The following EXOC3 variants were observed in gnomAD, a reference collection of about 807,000 sequenced individuals.
EXOC3 encodes SEC6-like 1.
EXOC3 carries 21 observed loss-of-function variants against 73.7 expected under a neutral mutation model. The observed-to-expected ratio is 0.29, with a 90% CI of 0.20 to 0.41. EXOC3 has a LOEUF of 0.41. Ranked by LOEUF, EXOC3 falls within the 10% of genes least tolerant of loss-of-function variation. The pLI is 1.00. For missense variants in EXOC3, 842 were observed against 985.1 expected (o/e 0.85, Z 1.95); for synonymous variants, 410 against 389.1 (o/e 1.05, Z -0.63).
intron 1 of EXOC3, among the ~76,000 whole-genome samples, chr5:444,025 C>T (rs906785109): frequency 2.0e-5 from 3 of 152,078 alleles, no homozygotes; most frequent in Admixed American, 6.5e-5. Flanking sequence ...GCAGGCGTCC[C>T]CCCGGTAAAG....
intron 7 of EXOC3, chr5:461,667 G>T: frequency 2.5e-6 from 1 of 393,784 alleles, no homozygotes. Context: ...GTAGCTCACT[G>T]CAGCGCAGCC....
chr5:448,655 C>T (rs900864385), intron 3 of EXOC3, among the ~76,000 whole-genome samples: 13 of 152,192 alleles, frequency 8.5e-5, no homozygotes, highest in Admixed American at 7.9e-4. Context: ...ATCTGTGACG[C>T]TGCTCGGCTC....
At chr5:464,078 C>G (rs571805919) in intron 9 of EXOC3, among the ~76,000 whole-genome samples, 8 of 152,164 alleles carry the variant, frequency 5.3e-5, no homozygotes, top group Non-Finnish European at 2.9e-5. Flanking sequence ...CCCACACGCA[C>G]TCAGTGCTCG....
At chr5:443,953 G>C (rs576872996) in intron 1 of EXOC3, among the ~76,000 whole-genome samples, 1 of 151,490 alleles carries the variant, frequency 6.6e-6, no homozygotes, top group Admixed American at 6.6e-5. Flanking sequence ...CCAAGGTGCA[G>C]GTGTCCTCCA....
chr5:462,622 A>C, intron 9 of EXOC3: 2 of 342,486 alleles, frequency 5.8e-6, no homozygotes, highest in South Asian at 9.5e-5. Flanking sequence ...GAGTGCACAC[A>C]CACACACATC....
chr5:467,007 G>A lies in EXOC3; in HGVS notation c.*109G>A, dbSNP rs970850922. 8.5e-6 allele frequency: 10 copies of A among 1,176,832 alleles called. 1 individual carries two copies. Among genetic ancestry groups the A allele is most frequent in the South Asian group, 4.5e-5 (3 of 66,758 alleles). 72.9% of individuals were successfully genotyped at this position (1,176,832 alleles called of 1,614,324 possible). ...CCACACGTGCTCCTTTTAGCTGCAC[G>A]GCCTGTCTTTAGGTGCCAGTGTGAT... On this transcript the variant is annotated 3_prime_UTR_variant, in exon 13 of 13. Transcript: ENST00000512944.
chr5:464,692 C>T (rs1738085548), intron 10 of EXOC3: 1 of 431,516 alleles, frequency 2.3e-6, no homozygotes, highest in Non-Finnish European at 4.3e-6. Context: ...CCACTCACTC[C>T]CTGAGGCCCC....
At chr5:458,157 G>C (rs1022077857) in intron 6 of EXOC3, 132 bp downstream of exon 6, 10 of 921,182 alleles carry the variant, frequency 1.1e-5, no homozygotes, top group African/African-American at 1.0e-4. Flanking sequence ...AGCCCTGCCT[G>C]GTGCATCTAA....
In EXOC3 at chr5:446,279, A is replaced by G; in HGVS notation, c.74A>G (p.Gln25Arg). ...RVAGMLQRPD[Q>R]LDKVEQYRRR... ...GCTGGGATGCTCCAGCGCCCGGACC[A>G]GCTGGACAAGGTGGAGCAGTATCGC... Residue 25 changes from glutamine (Q) to arginine (R), a missense_variant, in exon 2 of 13, where the codon CAG (glutamine) becomes CGG (arginine). Gln to Arg is a conservative substitution (Grantham distance 43). Coordinates refer to ENST00000512944, the MANE Select transcript of EXOC3 (RefSeq NM_007277.5). 6.2e-7 allele frequency: 1 copy of G among 1,613,990 alleles called. No homozygotes were observed. The highest frequency in any genetic ancestry group is 8.5e-7 in the Non-Finnish European group (1 of 1,179,864).
rs201641753 is a variant in EXOC3 at position 457,980 on chromosome 5, C to A, written c.1245C>A (p.Asp415Glu). The change falls in exon 6 of 13, where the codon GAC becomes GAA. Residue 415 changes from aspartate (D) to glutamate (E), a missense_variant. Coordinates refer to ENST00000512944, the MANE Select transcript of EXOC3 (RefSeq NM_007277.5). ...TCAAAGAGACAGAGCCAGAAGCCGACCAGGACGGGTACTACCAGACCACAC... is the reference window on the plus strand; with the variant it reads ...TCAAAGAGACAGAGCCAGAAGCCGAACAGGACGGGTACTACCAGACCACAC... Reference protein sequence around the residue: ...DWVKETEPEADQDGYYQTTLP... With the variant: ...DWVKETEPEAEQDGYYQTTLP... The A allele has an allele frequency of 6.8e-5, 110 of 1,612,582 alleles. No homozygotes were observed. The highest frequency in any genetic ancestry group is 9.3e-5 in the Non-Finnish European group (110 of 1,179,310).
chr5:463,299 A>C (rs1404645398), intron 9 of EXOC3, among the ~76,000 whole-genome samples: 1 of 152,276 alleles, frequency 6.6e-6, no homozygotes, highest in Non-Finnish European at 1.5e-5. Context: ...TAGCAAGAAG[A>C]AAATATTTAC....
chr5:450,671 G>T (rs1737636690), intron 3 of EXOC3, among the ~76,000 whole-genome samples: 1 of 152,034 alleles, frequency 6.6e-6, no homozygotes, highest in Admixed American at 6.5e-5. Flanking sequence ...TTTCCCTTCA[G>T]TTCTATCCAT....
chr5:459,879 C>T (rs999749489), intron 7 of EXOC3, among the ~76,000 whole-genome samples: 5 of 152,248 alleles, frequency 3.3e-5, no homozygotes, highest in African/African-American at 1.2e-4. Context: ...TGGCACGCCA[C>T]CCTCCCCATG....
At chr5:457,877 C>T (rs779908165) in intron 5 of EXOC3, 23 bp from the exon 6 acceptor site, 8 of 1,593,116 alleles carry the variant, frequency 5.0e-6, no homozygotes, top group Admixed American at 3.5e-5. Context: ...CTTCTCTTCT[C>T]CATGATGCTG....
chr5:453,620 C>T lies in EXOC3; in HGVS notation c.615C>T (p.Asp205=). 6.2e-7 allele frequency: 1 copy of T among 1,613,968 alleles called. No homozygotes were observed. Among genetic ancestry groups the T allele is most frequent in the South Asian group, 1.1e-5 (1 of 91,084 alleles). The change falls in exon 4 of 13, where the codon GAC becomes GAT. Residue 205 remains aspartate (D), a synonymous_variant. Coordinates refer to ENST00000512944, the MANE Select transcript of EXOC3 (RefSeq NM_007277.5). ...LQRSLVTVRR[D]PTLLVSVVRI... ...GGTCACTGGTCACTGTCCGCCGTGA[C>T]CCCACCTTGCTGGTCTCAGTTGTCA...
At chr5:445,664 A>G (rs950875300) in intron 1 of EXOC3, among the ~76,000 whole-genome samples, 2 of 152,126 alleles carry the variant, frequency 1.3e-5, no homozygotes, top group Non-Finnish European at 2.9e-5. Context: ...GACTATTGTC[A>G]CTTTTATAGG....
intron 3 of EXOC3, among the ~76,000 whole-genome samples, chr5:452,891 T>C (rs1737696187): frequency 1.3e-5 from 2 of 152,238 alleles, no homozygotes; most frequent in African/African-American, 4.8e-5. Flanking sequence ...ACATTGGCCC[T>C]TTAAATTCCC....
rs753120494 is a variant in EXOC3, at chr5:457,026, G to C, written c.1164+20G>C. Reference sequence around the variant, plus strand: ...CTCACTGTGAGTAGGGCTGGCCTGCGTGCCACAGACCACCGTGCTGGTTAT... The same window carrying C: ...CTCACTGTGAGTAGGGCTGGCCTGCCTGCCACAGACCACCGTGCTGGTTAT... On this transcript the variant is annotated intron_variant, in intron 5 of 12. Coordinates refer to ENST00000512944, the MANE Select transcript of EXOC3 (RefSeq NM_007277.5). 1.3e-6 allele frequency: 2 copies of C among 1,560,894 alleles called. No individual in the cohort carries two copies.
rs1553990996 is a variant in EXOC3, at chr5:443,229, G to GGGCGGCGGGGGC, written c.-110_-109insGGGCGGCGGCGG. 7.9e-5 allele frequency: 11 copies of GGGCGGCGGGGGC among 138,914 alleles called. 1 individual carries two copies. The South Asian group carries it at 9.7e-4, about 12-fold the overall frequency. The allele number at this position is 138,914 out of a possible 1,614,324, so 8.6% of individuals were successfully genotyped here. A position where few individuals can be genotyped will look rare whatever the true frequency, so the allele number is the denominator to read the frequency against. ...GCAGCGAAGGCGGAGGGGGCGGCGGGGGCGGCGGCGGCGGCGGCGGCGGCG... is the reference window on the plus strand; with the variant it reads ...GCAGCGAAGGCGGAGGGGGCGGCGGGGGCGGCGGGGGCGGCGGCGGCGGCGGCGGCGGCGGCG... On this transcript the variant is annotated 5_prime_UTR_variant, in exon 1 of 13. Transcript: ENST00000512944.
Sources: gnomAD v4.1 joint callset for allele counts (sites outside exome capture counted in the v4.1 genomes callset) on GRCh38, gnomAD v4.1.1 for gene constraint, MANE v1.5 for transcripts, NCBI Gene and HGNC (gene_info 2026-07-23, HGNC 2026-07-21) for gene names.